Variants in ZNF423 observed in about 807,000 individuals in gnomAD.
ZNF423 encodes Ebf-associated zinc finger protein.
Under a neutral mutation model 95.8 loss-of-function variants are expected in ZNF423, and 12 were observed. That is an observed-to-expected ratio of 0.13 (90% CI 0.08 to 0.20). The LOEUF (loss-of-function observed/expected upper bound fraction) is 0.20, where lower values mean the gene tolerates loss of function less well. Among genes scored for constraint, ZNF423 ranks in the 10% least tolerant of loss-of-function variants. The pLI is 1.00. For missense variants in ZNF423, 1,316 were observed against 1,737.1 expected (o/e 0.76, Z 4.31); for synonymous variants, 749 against 711.9 (o/e 1.05, Z -0.83).
At position 49,696,070 on chromosome 16, in the gene ZNF423, G is replaced by A. The variant is rs117559073; in HGVS notation, c.301+34701C>T. On this transcript the variant is annotated intron_variant, in intron 3 of 7. Transcript: ENST00000563137. ...TTTACTCAGCTTCTTTGACCCCAGT[G>A]GACTCATCCGTAAAATGGGAACCCA... is the stretch of plus-strand genomic sequence containing the variant. 2.2e-4 allele frequency among the ~76,000 whole-genome samples: 33 copies of A among 152,294 alleles called. No homozygotes were observed. The East Asian group carries it at 6.4e-3, about 29-fold the overall frequency.
In ZNF423 at chr16:49,638,795, G is replaced by A. The variant is rs371181840; in HGVS notation, c.381C>T (p.Ile127=). The change falls in exon 4 of 8, where the codon ATC becomes ATT. Residue 127 remains isoleucine (I), a synonymous_variant. Transcript: ENST00000563137. This position sits in a 1 kb window ranked among gnomAD's most constrained non-coding sequence, Gnocchi z 5.6. ...SKDVASPTQM[I]GDGCDLGLGE... is the part of the protein sequence containing the mutation. The stretch of plus-strand genomic sequence containing the variant: ...CGAGGCCGAGGTCACAACCATCTCC[G>A]ATCATCTGCGTGGGTGACGCAACAT... 1.2e-5 allele frequency: 20 copies of A among 1,614,002 alleles called. No individual in the cohort carries two copies. Among genetic ancestry groups the A allele is most frequent in the Admixed American group, 5.0e-5 (3 of 60,004 alleles).
intron 2 of ZNF423, among the ~76,000 whole-genome samples, chr16:49,733,127 C>G (rs763126965): frequency 6.6e-6 from 1 of 152,112 alleles, no homozygotes; most frequent in Non-Finnish European, 1.5e-5. Flanking sequence ...TCATTTGGAG[C>G]CTTCGATATT....
chr16:49,524,746 G>A (rs537163623), intron 6 of ZNF423, among the ~76,000 whole-genome samples: 1 of 152,334 alleles, frequency 6.6e-6, no homozygotes, highest in Admixed American at 6.5e-5. Context: ...AGCAGATGTC[G>A]GGGGAGGCAG....
At chr16:49,686,932 T>C (rs1189348767) in intron 3 of ZNF423, among the ~76,000 whole-genome samples, 3 of 151,986 alleles carry the variant, frequency 2.0e-5, no homozygotes, top group Non-Finnish European at 2.9e-5. Context: ...TTGGATCGCA[T>C]GTTCCTAACC....
intron 5 of ZNF423, among the ~76,000 whole-genome samples, chr16:49,621,182 C>A (rs1972066957): frequency 6.6e-6 from 1 of 152,152 alleles, no homozygotes; most frequent in Non-Finnish European, 1.5e-5. Context: ...CGGCAGGAGG[C>A]CACAGCACAG....
intron 7 of ZNF423, among the ~76,000 whole-genome samples, chr16:49,508,829 C>T (rs1967763580): frequency 6.6e-6 from 1 of 152,124 alleles, no homozygotes; most frequent in African/African-American, 2.4e-5. Flanking sequence ...CCCACCAACG[C>T]TGTATTTTAT....
intron 5 of ZNF423, among the ~76,000 whole-genome samples, chr16:49,604,944 A>G (rs930208000): frequency 2.0e-5 from 3 of 152,208 alleles, no homozygotes; most frequent in South Asian, 4.1e-4. Context: ...TGAAAGAAAA[A>G]TAAATCACAC....
At chr16:49,628,015 C>T (rs544119102) in intron 4 of ZNF423, among the ~76,000 whole-genome samples, 1 of 150,592 alleles carries the variant, frequency 6.6e-6, no homozygotes, top group South Asian at 2.1e-4. Flanking sequence ...CATCCATCTA[C>T]ATACATACCC....
At chr16:49,526,825 G>T (rs1453484715) in intron 5 of ZNF423, among the ~76,000 whole-genome samples, 1 of 152,194 alleles carries the variant, frequency 6.6e-6, no homozygotes, top group Non-Finnish European at 1.5e-5. Flanking sequence ...ATGCACAGGG[G>T]TCTGGAACAG....
intron 2 of ZNF423, among the ~76,000 whole-genome samples, chr16:49,786,587 G>A (rs2034318394): frequency 6.6e-6 from 1 of 152,210 alleles, no homozygotes; most frequent in African/African-American, 2.4e-5. Context: ...TGTCTTGCCA[G>A]GGACCTTCCA....
At chr16:49,507,719 G>C (rs1342357866) in intron 7 of ZNF423, among the ~76,000 whole-genome samples, 1 of 152,232 alleles carries the variant, frequency 6.6e-6, no homozygotes, top group African/African-American at 2.4e-5. Context: ...TCTACAAAAT[G>C]GTGAGAGTCA....
intron 2 of ZNF423, among the ~76,000 whole-genome samples, chr16:49,778,973 G>A (rs2034166065): frequency 2.6e-5 from 4 of 152,274 alleles, no homozygotes; most frequent in Admixed American, 1.3e-4. Context: ...ATGACAGGGA[G>A]GTTTAGTAAC....
intron 7 of ZNF423, among the ~76,000 whole-genome samples, chr16:49,501,629 C>T (rs935577852): frequency 1.9e-4 from 29 of 151,992 alleles, no homozygotes; most frequent in African/African-American, 1.2e-4. Context: ...CCAACCCAGG[C>T]GCCCACCAAG....
intron 5 of ZNF423, among the ~76,000 whole-genome samples, chr16:49,572,758 C>T (rs368182054): frequency 4.4e-4 from 67 of 152,042 alleles, no homozygotes; most frequent in African/African-American, 1.6e-3. Flanking sequence ...CTACAAAGGA[C>T]GAGAACATGA....
chr16:49,636,833 G>A lies in ZNF423; in HGVS notation c.2343C>T (p.His781=), dbSNP rs1427746481. 3.1e-6 allele frequency: 5 copies of A among 1,614,100 alleles called. No homozygotes were observed. Among genetic ancestry groups the A allele is most frequent in the Non-Finnish European group, 4.2e-6 (5 of 1,180,044 alleles). The change falls in exon 4 of 8, where the codon CAC becomes CAT. Residue 781 remains histidine, a synonymous_variant. Transcript: ENST00000563137. This position sits in a 1 kb window ranked among gnomAD's most constrained non-coding sequence, Gnocchi z 8.6. ...TGTGAGCCTTGGCCGGGTTGCCCAG[G>A]TGGCTGTGTTTGACGTGCACCTGCA... ...ADLQVHVKHS[H]LGNPAKAHKC... is the part of the protein sequence containing the mutation.
intron 7 of ZNF423, among the ~76,000 whole-genome samples, chr16:49,497,174 G>A (rs528410592): frequency 6.6e-6 from 1 of 152,152 alleles, no homozygotes; most frequent in African/African-American, 2.4e-5. Flanking sequence ...GGATGGAATA[G>A]GTGTGCACTC....
chr16:49,687,900 G>A (rs569462711), intron 3 of ZNF423, among the ~76,000 whole-genome samples: 62 of 152,216 alleles, frequency 4.1e-4, no homozygotes, highest in African/African-American at 1.4e-3. Context: ...AGAGCTCAGA[G>A]GGGCTCCTTG....
chr16:49,703,155 C>A (rs1321166101), intron 3 of ZNF423, among the ~76,000 whole-genome samples: 1 of 152,174 alleles, frequency 6.6e-6, no homozygotes, highest in Non-Finnish European at 1.5e-5. Context: ...CACAGGTGCA[C>A]CAGGACCAGA....
At chr16:49,642,276 G>A (rs770183604) in intron 3 of ZNF423, among the ~76,000 whole-genome samples, 25 of 152,304 alleles carry the variant, frequency 1.6e-4, no homozygotes, top group Non-Finnish European at 3.2e-4. Flanking sequence ...TACCAAGCCA[G>A]ATGCCCCATT....
Sources: allele counts gnomAD v4.1 joint callset (sites outside exome capture counted in the v4.1 genomes callset), GRCh38; gene constraint gnomAD v4.1.1; non-coding constraint Gnocchi (gnomAD v3.1); transcripts MANE v1.5; gene names NCBI Gene and HGNC (gene_info 2026-07-23, HGNC 2026-07-21).